The following NXPH1 variants were observed in gnomAD, a reference collection of about 807,000 sequenced individuals.
NXPH1 encodes the protein neurexophilin-1.
In NXPH1, 5 loss-of-function variants were observed where a neutral mutation model predicts 23.7. The ratio of observed to expected loss-of-function variants is 0.21; its 90% CI spans 0.11 to 0.44. The LOEUF is 0.44. NXPH1 is among the 20% of genes least tolerant of loss of function. The probability of loss-of-function intolerance (pLI) is 0.99; values close to 1 mark genes in which losing one functional copy is unlikely to be tolerated. For synonymous variants in NXPH1, 144 were observed against 122.2 expected (o/e 1.18, Z -1.18); for missense variants, 324 against 321.6 (o/e 1.01, Z -0.06).
chr7:8,448,723 G>C (rs2128605097), intron 2 of NXPH1, among the ~76,000 whole-genome samples: 1 of 150,114 alleles, frequency 6.7e-6, no homozygotes, highest in East Asian at 2.0e-4. Flanking sequence ...GCTGAGGCAA[G>C]AGAATTGCTT....
At chr7:8,699,489 C>T (rs879347911) in intron 2 of NXPH1, among the ~76,000 whole-genome samples, 6 of 152,090 alleles carry the variant, frequency 3.9e-5, no homozygotes, top group South Asian at 2.1e-4. Context: ...AAGGAATTAA[C>T]TTGGCAGTAA....
At chr7:8,598,323 G>A (rs947036718) in intron 2 of NXPH1, among the ~76,000 whole-genome samples, 16 of 152,136 alleles carry the variant, frequency 1.1e-4, no homozygotes, top group East Asian at 9.7e-4. Context: ...AATTCACCCC[G>A]TCTCAATTAT....
At chr7:8,686,002 A>C (rs933215828) in intron 2 of NXPH1, among the ~76,000 whole-genome samples, 2 of 152,142 alleles carry the variant, frequency 1.3e-5, no homozygotes, top group Non-Finnish European at 2.9e-5. Context: ...TCCACGTTGC[A>C]TGCGTGTATC....
chr7:8,674,203 A>ACCCC (rs1554264620), intron 2 of NXPH1, among the ~76,000 whole-genome samples: 47 of 115,366 alleles, frequency 4.1e-4, no homozygotes, highest in African/African-American at 1.2e-3. Context: ...ACACACACAC[A>ACCCC]CCTATGCAAT....
chr7:8,699,750 G>A (rs1053105556), intron 2 of NXPH1, among the ~76,000 whole-genome samples: 4 of 152,088 alleles, frequency 2.6e-5, no homozygotes, highest in African/African-American at 9.7e-5. Context: ...AATTGATGTG[G>A]TTTTAAAAGA....
intron 2 of NXPH1, among the ~76,000 whole-genome samples, chr7:8,641,603 T>C (rs1820313933): frequency 1.3e-5 from 2 of 152,186 alleles, no homozygotes; most frequent in South Asian, 4.1e-4. Context: ...ATATGCTTTG[T>C]TGGTTTCCTT....
intron 2 of NXPH1, among the ~76,000 whole-genome samples, chr7:8,670,442 A>G (rs1370654001): frequency 1.3e-5 from 2 of 152,214 alleles, no homozygotes; most frequent in African/African-American, 4.8e-5. Context: ...CAAATTTATG[A>G]CTTTTTGTAA....
In NXPH1 at chr7:8,614,528, A is replaced by G. The variant is rs141656559; in HGVS notation, c.55-136480A>G. ...ACATATATATACATACACGTTTAGA[A>G]ATAGACATACATGTGCACATATAGG... On this transcript the variant is annotated intron_variant, in intron 2 of 2. Transcript: ENST00000405863. 4.0e-3 allele frequency among the ~76,000 whole-genome samples: 615 copies of G among 152,074 alleles called. 4 individuals carry two copies. Among genetic ancestry groups the G allele is most frequent in the African/African-American group, 0.014 (584 of 41,546 alleles).
rs112930350 is a variant in NXPH1, at chr7:8,668,452, C to T, written c.55-82556C>T. ...CTTGCTACTGGAGTTCTCATGCAAG[C>T]TTATTTGATTCTTGGGTTCAGCAGG... On this transcript the variant is annotated intron_variant, in intron 2 of 2. Transcript: ENST00000405863. Among the ~76,000 whole-genome samples, 643 of 152,224 alleles carry T rather than the reference C, an allele frequency of 4.2e-3. 1 individual carries two copies. Among genetic ancestry groups the T allele is most frequent in the Non-Finnish European group, 7.2e-3 (488 of 68,008 alleles).
chr7:8,518,534 C>T (rs978597664), intron 2 of NXPH1, among the ~76,000 whole-genome samples: 25 of 152,120 alleles, frequency 1.6e-4, no homozygotes, highest in Non-Finnish European at 3.2e-4. Flanking sequence ...CTGTGTTATG[C>T]AGGCTGGGTT....
At chr7:8,731,791 T>G (rs1780159004) in intron 2 of NXPH1, among the ~76,000 whole-genome samples, 3 of 152,186 alleles carry the variant, frequency 2.0e-5, no homozygotes, top group Admixed American at 6.5e-5. Flanking sequence ...CTGCTGTCTT[T>G]TTGTTTGTCT....
intron 2 of NXPH1, among the ~76,000 whole-genome samples, chr7:8,536,598 A>G (rs766866169): frequency 8.1e-6 from 1 of 123,342 alleles, no homozygotes; most frequent in Non-Finnish European, 1.7e-5. Context: ...TATTGTGACC[A>G]TTGGTAGACT....
At chr7:8,575,191 T>A (rs1018900113) in intron 2 of NXPH1, among the ~76,000 whole-genome samples, 3 of 152,220 alleles carry the variant, frequency 2.0e-5, no homozygotes, top group African/African-American at 7.2e-5. Flanking sequence ...TAATCCATTT[T>A]TCTTTTGGCC....
At chr7:8,619,441 G>A (rs545104348) in intron 2 of NXPH1, among the ~76,000 whole-genome samples, 45 of 152,214 alleles carry the variant, frequency 3.0e-4, no homozygotes, top group Admixed American at 5.2e-4. Context: ...TTTTGTTTAT[G>A]TTTGCTTAAG....
At chr7:8,565,542 T>C (rs1818528173) in intron 2 of NXPH1, among the ~76,000 whole-genome samples, 2 of 151,748 alleles carry the variant, frequency 1.3e-5, no homozygotes. Flanking sequence ...TAACAAACCT[T>C]GTTGTGTTCT....
intron 2 of NXPH1, among the ~76,000 whole-genome samples, chr7:8,610,582 G>T (rs1054686355): frequency 1.3e-5 from 2 of 152,080 alleles, no homozygotes; most frequent in African/African-American, 4.8e-5. Context: ...TTAGAAAGGG[G>T]AGAGAAAGAA....
At chr7:8,448,812 C>T (rs1417417760) in intron 2 of NXPH1, among the ~76,000 whole-genome samples, 1 of 104,088 alleles carries the variant, frequency 9.6e-6, no homozygotes, top group East Asian at 3.1e-4. Context: ...AAGACTTCGT[C>T]TCGGGGAAAA....
At chr7:8,539,990 T>C (rs905934855) in intron 2 of NXPH1, among the ~76,000 whole-genome samples, 4 of 151,876 alleles carry the variant, frequency 2.6e-5, no homozygotes, top group Non-Finnish European at 5.9e-5. Flanking sequence ...TAATTTACTT[T>C]GTTAAAAATA....
At chr7:8,580,362 G>T (rs1562410377) in intron 2 of NXPH1, among the ~76,000 whole-genome samples, 1 of 152,072 alleles carries the variant, frequency 6.6e-6, no homozygotes, top group African/African-American at 2.4e-5. Flanking sequence ...AGAGAGACAG[G>T]ATGTTACTAA....
Sources: allele counts gnomAD v4.1 joint callset (sites outside exome capture counted in the v4.1 genomes callset), GRCh38; gene constraint gnomAD v4.1.1; transcripts MANE v1.5; gene names NCBI Gene and HGNC (gene_info 2026-07-23, HGNC 2026-07-21).